The following ARHGAP6 variants were observed in gnomAD, a reference collection of about 807,000 sequenced individuals.
ARHGAP6 encodes Rho GTPase activating protein 6.
A neutral mutation model predicts 55.7 loss-of-function variants in ARHGAP6; 16 were observed. The ratio of observed to expected loss-of-function variants is 0.29; its 90% CI spans 0.19 to 0.44. The LOEUF (loss-of-function observed/expected upper bound fraction) is 0.44. Among genes scored for constraint, ARHGAP6 ranks in the 20% least tolerant of loss-of-function variants. The pLI is 1.00. For missense variants in ARHGAP6, 698 were observed against 808.9 expected (o/e 0.86, Z 1.66); for synonymous variants, 382 against 360.9 (o/e 1.06, Z -0.66).
intron 1 of ARHGAP6, among the ~76,000 whole-genome samples, chrX:11,528,535 G>T (rs1364828607): frequency 8.9e-6 from 1 of 112,264 alleles, no homozygotes; most frequent in Non-Finnish European, 1.9e-5. Context: ...CCAAATGCAG[G>T]AAACTATAGC....
chrX:11,376,719 A>G (rs925289640), intron 1 of ARHGAP6, among the ~76,000 whole-genome samples: 11 of 112,701 alleles, frequency 9.8e-5, no homozygotes, highest in African/African-American at 3.2e-4. Context: ...TATTTTGTGC[A>G]GCACAATTGT....
intron 1 of ARHGAP6, among the ~76,000 whole-genome samples, chrX:11,470,345 C>T (rs1356848634): frequency 9.0e-6 from 1 of 111,590 alleles, no homozygotes; most frequent in Non-Finnish European, 1.9e-5. Flanking sequence ...AATGAGTAAA[C>T]CTGGTTAAAA....
At chrX:11,265,851 G>T in intron 1 of ARHGAP6, 1 of 953,760 alleles carries the variant, frequency 1.0e-6, no homozygotes, top group Non-Finnish European at 1.3e-6. Context: ...AGCTGGCATA[G>T]CTGTGACTCC....
intron 1 of ARHGAP6, among the ~76,000 whole-genome samples, chrX:11,427,097 G>A (rs1223650069): frequency 3.6e-5 from 4 of 111,174 alleles, no homozygotes; most frequent in Non-Finnish European, 7.5e-5. Flanking sequence ...GCACCCCAAC[G>A]CTCCCGGCAG....
At position 11,558,836 on chromosome X, in the gene ARHGAP6, C is replaced by CAAAAA. The variant is rs58936931; in HGVS notation, c.588+105400_588+105404dup. ...GGGCGACAAGAGCAAGATTCCATCTCAAAAAAAAAAAAAAAAAAAAAAAAA... is the reference window on the plus strand; with the variant it reads ...GGGCGACAAGAGCAAGATTCCATCTCAAAAAAAAAAAAAAAAAAAAAAAAAAAAAA... On this transcript the variant is annotated intron_variant, in intron 1 of 12. Coordinates refer to ENST00000337414, the MANE Select transcript of ARHGAP6 (RefSeq NM_013427.3). 6.1e-3 allele frequency among the ~76,000 whole-genome samples: 183 copies of CAAAAA among 30,074 alleles called. 6 individuals are homozygous for CAAAAA. Among genetic ancestry groups the CAAAAA allele is most frequent in the East Asian group, 0.018 (9 of 504 alleles). The allele number at this position is 30,074 out of a possible 115,157, so 26.1% of individuals were successfully genotyped here.
chrX:11,580,286 A>C (rs2051650765), intron 1 of ARHGAP6, among the ~76,000 whole-genome samples: 1 of 112,219 alleles, frequency 8.9e-6, no homozygotes, highest in African/African-American at 3.2e-5. Context: ...TGTGAGGGGA[A>C]TTAAGTCCCT....
intron 1 of ARHGAP6, among the ~76,000 whole-genome samples, chrX:11,477,814 C>G (rs961598144): frequency 9.0e-6 from 1 of 111,659 alleles, no homozygotes; most frequent in African/African-American, 3.3e-5. Context: ...TCTGTAGGGT[C>G]AGAAAATAGA....
intron 5 of ARHGAP6, among the ~76,000 whole-genome samples, chrX:11,183,126 T>C (rs1208646326): frequency 9.0e-6 from 1 of 111,347 alleles, no homozygotes; most frequent in East Asian, 2.8e-4. Context: ...TTGGGTGTAG[T>C]GTATACTGCT....
At chrX:11,363,846 T>C (rs772949932) in intron 1 of ARHGAP6, among the ~76,000 whole-genome samples, 6 of 112,396 alleles carry the variant, frequency 5.3e-5, no homozygotes, top group South Asian at 3.7e-4. Flanking sequence ...AATCCCATTA[T>C]TGGGTATATA....
intron 1 of ARHGAP6, among the ~76,000 whole-genome samples, chrX:11,501,790 G>C (rs1173348522): frequency 9.0e-6 from 1 of 111,593 alleles, no homozygotes; most frequent in Non-Finnish European, 1.9e-5. Context: ...AGTAGGAGTG[G>C]ATAGTCATAA....
chrX:11,210,882 A>AAAAAC (rs779507963), intron 2 of ARHGAP6, among the ~76,000 whole-genome samples: 1 of 112,271 alleles, frequency 8.9e-6, no homozygotes, highest in Non-Finnish European at 1.9e-5. Context: ...TATTATTATG[A>AAAAAC]AAAACAAAAC....
intron 1 of ARHGAP6, among the ~76,000 whole-genome samples, chrX:11,336,396 T>TCACC (rs2048637901): frequency 9.0e-6 from 1 of 111,594 alleles, no homozygotes; most frequent in Admixed American, 9.5e-5. Flanking sequence ...GTCTAGACAA[T>TCACC]CACCCCAGCT....
At chrX:11,497,559 TTCTCTCTCTCTCTC>T (rs34138329) in intron 1 of ARHGAP6, among the ~76,000 whole-genome samples, 14 of 41,144 alleles carry the variant, frequency 3.4e-4, no homozygotes, top group African/African-American at 1.3e-3. Context: ...CCCTCCCTCC[TTCTCTCTCTCTCTC>T]TCTCTCTCTC....
In ARHGAP6 at chrX:11,361,529, T is replaced by G. The variant is rs1337252840; in HGVS notation, c.589-106822A>C. ...CAAGATGGATTAAAGACTTAAATGT[T>G]AGACCTAAAACCATAAAAACCCTAG... is the stretch of plus-strand genomic sequence containing the variant. On this transcript the variant is annotated intron_variant, in intron 1 of 12. Coordinates refer to ENST00000337414, the MANE Select transcript of ARHGAP6 (RefSeq NM_013427.3). Among the ~76,000 whole-genome samples, 9 of 110,621 alleles carry G rather than the reference T, an allele frequency of 8.1e-5. No individual in the cohort carries two copies. The South Asian group carries it at 1.2e-3, about 15-fold the overall frequency.
intron 1 of ARHGAP6, among the ~76,000 whole-genome samples, chrX:11,404,447 A>T (rs1190358774): frequency 8.9e-6 from 1 of 112,311 alleles, no homozygotes; most frequent in Non-Finnish European, 1.9e-5. Flanking sequence ...ACATTAAAAC[A>T]TAAAAATAAT....
At chrX:11,354,190 G>A in intron 1 of ARHGAP6, among the ~76,000 whole-genome samples, 1 of 106,722 alleles carries the variant, frequency 9.4e-6, no homozygotes, top group Non-Finnish European at 1.9e-5. Context: ...GCAACACCTA[G>A]CCTACAAGTT....
chrX:11,344,390 C>T (rs994660960), intron 1 of ARHGAP6, among the ~76,000 whole-genome samples: 17 of 110,916 alleles, frequency 1.5e-4, no homozygotes, highest in African/African-American at 4.9e-4. Flanking sequence ...TACTGATGCC[C>T]GGCCAGGCGC....
intron 1 of ARHGAP6, chrX:11,334,478 T>C (rs181332746): frequency 3.9e-4 from 44 of 113,935 alleles, no homozygotes; most frequent in Non-Finnish European, 1.3e-4. Flanking sequence ...GTAATGCAGT[T>C]GGCCATGATT....
At chrX:11,171,923 G>A (rs1437706724) in intron 8 of ARHGAP6, among the ~76,000 whole-genome samples, 1 of 111,938 alleles carries the variant, frequency 8.9e-6, no homozygotes, top group Non-Finnish European at 1.9e-5. Context: ...ATTGCTCCTG[G>A]TTGAGAACCA....
Sources: allele counts gnomAD v4.1 joint callset (sites outside exome capture counted in the v4.1 genomes callset), GRCh38; gene constraint gnomAD v4.1.1; transcripts MANE v1.5; gene names NCBI Gene and HGNC (gene_info 2026-07-23, HGNC 2026-07-21).